TSEN2: variants seen among roughly 807,000 people sequenced by gnomAD.
The protein encoded by TSEN2 is tRNA-splicing endonuclease subunit Sen2.
In TSEN2, 54 loss-of-function variants were observed where a neutral mutation model predicts 59.2. The ratio of observed to expected loss-of-function variants is 0.91; its 90% confidence interval spans 0.73 to 1.14. TSEN2 has a LOEUF of 1.14. TSEN2 is among the 50% of genes most tolerant of loss of function. The probability of loss-of-function intolerance (pLI) is 0.00; values close to 1 mark genes in which losing one functional copy is unlikely to be tolerated. For missense variants in TSEN2, 636 were observed against 576.2 expected (o/e 1.10, Z -1.06); for synonymous variants, 195 against 198.2 (o/e 0.98, Z 0.14).
At chr3:12,517,214 C>T (rs1029176130) in intron 7 of TSEN2, among the ~76,000 whole-genome samples, 2 of 151,962 alleles carry the variant, frequency 1.3e-5, no homozygotes, top group African/African-American at 4.8e-5. Flanking sequence ...AAAAATTAGC[C>T]GGGCGTGTTG....
intron 7 of TSEN2, 41 bp from the exon 8 acceptor site, chr3:12,519,018 A>G (rs1050135316): frequency 1.1e-5 from 17 of 1,610,372 alleles, no homozygotes; most frequent in Middle Eastern, 3.4e-4. Flanking sequence ...GAGTGAATGC[A>G]TACATAGTAA....
At chr3:12,495,887 G>A (rs1449034641) in intron 3 of TSEN2, among the ~76,000 whole-genome samples, 1 of 152,208 alleles carries the variant, frequency 6.6e-6, no homozygotes, top group Non-Finnish European at 1.5e-5. Context: ...CTGATGCCCT[G>A]CTTATGCCTG....
intron 7 of TSEN2, among the ~76,000 whole-genome samples, chr3:12,517,151 T>C (rs2056210925): frequency 2.0e-5 from 3 of 151,842 alleles, no homozygotes; most frequent in Admixed American, 6.6e-5. Flanking sequence ...ATCGAGACCA[T>C]CCTGGCTATC....
At chr3:12,492,302 A>C in intron 3 of TSEN2, 85 bp downstream of exon 3, 1 of 1,216,332 alleles carries the variant, frequency 8.2e-7, no homozygotes, top group Non-Finnish European at 1.2e-6. Flanking sequence ...TATATAGTAA[A>C]ATTCTAGAGA....
intron 4 of TSEN2, 151 bp from the exon 5 acceptor site, chr3:12,503,111 T>C (rs1157033479): frequency 1.2e-6 from 1 of 860,722 alleles, no homozygotes; most frequent in Non-Finnish European, 1.8e-6. Flanking sequence ...CAGAAAAGTA[T>C]AAAGAAGAAA....
chr3:12,485,819 G>A (rs949324179), intron 1 of TSEN2, among the ~76,000 whole-genome samples: 7 of 152,220 alleles, frequency 4.6e-5, no homozygotes, highest in South Asian at 2.1e-4. Context: ...ATATGTTTTT[G>A]TGCACCTCAG....
chr3:12,484,485 C>G lies in TSEN2; in HGVS notation c.-413C>G, dbSNP rs2052379877. The G allele has an allele frequency of 6.6e-6, 1 of 152,030 alleles. No homozygotes were observed. Among genetic ancestry groups the G allele is most frequent in the East Asian group, 1.9e-4 (1 of 5,196 alleles). The allele number at this position is 152,030 out of a possible 1,614,324, so 9.4% of individuals were successfully genotyped here. On this transcript the variant is annotated 5_prime_UTR_variant, in exon 1 of 12. Coordinates refer to ENST00000284995, the MANE Select transcript of TSEN2 (RefSeq NM_025265.4). ...GTGTCCGCCCCACGGCCGGCGTTGC[C>G]GGGGTAACGGCGAGCGCGTGGGGCC... is the stretch of plus-strand genomic sequence containing the variant.
At chr3:12,525,747 T>C (rs2931756) in intron 8 of TSEN2, among the ~76,000 whole-genome samples, 151,452 of 151,454 alleles carry the variant, frequency 1, 75,725 homozygotes, top group Middle Eastern at 1. Context: ...GTGATTTTAG[T>C]AGAGAAAGGG....
chr3:12,486,430 T>G (rs1165986931), intron 1 of TSEN2, among the ~76,000 whole-genome samples: 1 of 152,234 alleles, frequency 6.6e-6, no homozygotes, highest in African/African-American at 2.4e-5. Context: ...GGAAGTGAGC[T>G]CTACCTTCCC....
intron 8 of TSEN2, among the ~76,000 whole-genome samples, chr3:12,520,715 G>A (rs1056424448): frequency 3.3e-5 from 5 of 152,090 alleles, no homozygotes; most frequent in East Asian, 1.9e-4. Flanking sequence ...GCTTGATCCC[G>A]GGAGGCAGAG....
intron 4 of TSEN2, among the ~76,000 whole-genome samples, chr3:12,498,297 C>T (rs1399327508): frequency 6.6e-6 from 1 of 152,060 alleles, no homozygotes; most frequent in African/African-American, 2.4e-5. Context: ...GTCAAGGCCC[C>T]GCAGTTACAG....
chr3:12,493,007 T>TATAAATAA (rs2053380831), intron 3 of TSEN2, among the ~76,000 whole-genome samples: 1 of 152,240 alleles, frequency 6.6e-6, no homozygotes, highest in Non-Finnish European at 1.5e-5. Context: ...TATAGATATT[T>TATAAATAA]CATATATAAA....
chr3:12,509,396 C>T (rs955346826), intron 6 of TSEN2, among the ~76,000 whole-genome samples: 4 of 152,108 alleles, frequency 2.6e-5, no homozygotes, highest in South Asian at 2.1e-4. Context: ...GATGGAGTTT[C>T]GCCATGTTGG....
chr3:12,490,125 G>T, intron 2 of TSEN2, 136 bp downstream of exon 2: 2 of 892,624 alleles, frequency 2.2e-6, no homozygotes, highest in Admixed American at 3.7e-5. Context: ...TGGTCCAGTT[G>T]TAGGAAAAGT....
Position 12,532,836 on chromosome 3 carries a change from C to G in TSEN2, c.*115C>G. The G allele has an allele frequency of 3.2e-6, 3 of 947,030 alleles. No homozygotes were observed. The highest frequency in any genetic ancestry group is 5.0e-6 in the Non-Finnish European group (3 of 596,356). The allele number at this position is 947,030 out of a possible 1,614,324, so 58.7% of individuals were successfully genotyped here. On this transcript the variant is annotated 3_prime_UTR_variant, in exon 12 of 12. Transcript: ENST00000284995. ...ATAAGTTTTAAAGGGCATGGTGCTC[C>G]CAGCACCAGAAAACTATCAGTGTTT... is the stretch of plus-strand genomic sequence containing the variant.
At position 12,498,456 on chromosome 3, in the gene TSEN2, A is replaced by G. The variant is rs181374389; in HGVS notation, c.308+1902A>G. On this transcript the variant is annotated intron_variant, in intron 4 of 11. Transcript: ENST00000284995. ...TCACCTTAGTTGATTTTTTCCTTCA[A>G]TTCTCCTCTAGTCTAACTGCCAGAT... Among the ~76,000 whole-genome samples the G allele has an allele frequency of 4.1e-4, 62 of 152,028 alleles. 1 individual carries two copies. The highest frequency in any genetic ancestry group is 8.4e-4 in the African/African-American group (35 of 41,454).
chr3:12,529,739 C>T, intron 9 of TSEN2, 23 bp from the exon 10 acceptor site: 2 of 1,603,794 alleles, frequency 1.2e-6, no homozygotes, highest in South Asian at 1.1e-5. Context: ...TTACTTTTAA[C>T]ATGCTTTTTC....
intron 8 of TSEN2, among the ~76,000 whole-genome samples, chr3:12,524,046 C>T (rs897789955): frequency 6.6e-6 from 1 of 152,114 alleles, no homozygotes; most frequent in African/African-American, 2.4e-5. Context: ...TCCAAATATC[C>T]AGTCTATACT....
intron 8 of TSEN2, among the ~76,000 whole-genome samples, chr3:12,525,378 G>GATACCATAAGTAGATACCATAAGTAT (rs1486097144): frequency 2.0e-5 from 3 of 152,054 alleles, no homozygotes; most frequent in East Asian, 3.8e-4. Context: ...TACCATAAGT[G>GATACCATAAGTAGATACCATAAGTAT]ATACCATAAG....
Sources: gnomAD v4.1 joint callset for allele counts (sites outside exome capture counted in the v4.1 genomes callset) on GRCh38, gnomAD v4.1.1 for gene constraint, MANE v1.5 for transcripts, NCBI Gene and HGNC (gene_info 2026-07-23, HGNC 2026-07-21) for gene names.